The following DCHS2 variants were observed in gnomAD, a reference collection of about 807,000 sequenced individuals.
The protein encoded by DCHS2 is dachsous cadherin-related 2.
A neutral mutation model predicts 182.4 loss-of-function variants in DCHS2; 142 were observed. The observed-to-expected ratio is 0.78, with a 90% CI of 0.68 to 0.89. DCHS2 has a LOEUF of 0.89. DCHS2 is among the 40% of genes least tolerant of loss of function. The probability of loss-of-function intolerance (pLI) is 0.00; values close to 1 mark genes in which losing one functional copy is unlikely to be tolerated. For synonymous variants in DCHS2, 1,740 were observed against 1,663.3 expected (o/e 1.05, Z -1.12); for missense variants, 4,319 against 4,198.6 (o/e 1.03, Z -0.79).
intron 3 of DCHS2, among the ~76,000 whole-genome samples, chr4:154,359,130 C>T (rs942341642): frequency 2.6e-5 from 4 of 151,896 alleles, no homozygotes; most frequent in Non-Finnish European, 5.9e-5. Context: ...CAAACATTAA[C>T]TTTAAAAAAC....
intron 16 of DCHS2, 81 bp downstream of exon 16, chr4:154,255,438 A>G: frequency 1.3e-6 from 2 of 1,493,538 alleles, no homozygotes; most frequent in Non-Finnish European, 1.8e-6. Context: ...CTTACGTAAC[A>G]GGAAGTTATG....
At chr4:154,263,033 A>C (rs2111181397) in intron 14 of DCHS2, among the ~76,000 whole-genome samples, 1 of 152,328 alleles carries the variant, frequency 6.6e-6, no homozygotes. Context: ...AGTTCTCATC[A>C]GAGATCTGTC....
chr4:154,407,050 G>A (rs1732429040), intron 1 of DCHS2, among the ~76,000 whole-genome samples: 1 of 152,218 alleles, frequency 6.6e-6, no homozygotes, highest in Non-Finnish European at 1.5e-5. Context: ...TCCTGAGACT[G>A]TCCCACACAT....
chr4:154,398,643 T>C (rs180752228), intron 1 of DCHS2, among the ~76,000 whole-genome samples: 1 of 152,294 alleles, frequency 6.6e-6, no homozygotes, highest in Non-Finnish European at 1.5e-5. Flanking sequence ...TGAATTCCTA[T>C]CCCTATAAAG....
At chr4:154,473,111 G>A (rs762865864) in intron 1 of DCHS2, among the ~76,000 whole-genome samples, 1 of 152,140 alleles carries the variant, frequency 6.6e-6, no homozygotes, top group Non-Finnish European at 1.5e-5. Context: ...AAAGCCAATC[G>A]GGTGGGCTCT....
chr4:154,258,741 T>C (rs1474447710), intron 15 of DCHS2, among the ~76,000 whole-genome samples: 1 of 152,090 alleles, frequency 6.6e-6, no homozygotes, highest in Non-Finnish European at 1.5e-5. Flanking sequence ...CCAGAAAATA[T>C]GCTAGCATGC....
intron 16 of DCHS2, among the ~76,000 whole-genome samples, chr4:154,251,134 A>G (rs80152036): frequency 0.053 from 8,017 of 152,238 alleles, 493 homozygotes; most frequent in East Asian, 0.15. Flanking sequence ...TCCATTTCCT[A>G]CGTTGCCTGT....
intron 1 of DCHS2, among the ~76,000 whole-genome samples, chr4:154,392,831 A>G (rs1395244797): frequency 6.6e-6 from 1 of 152,194 alleles, no homozygotes; most frequent in Non-Finnish European, 1.5e-5. Flanking sequence ...CTCAGGGCTT[A>G]GTGTCAGGGA....
intron 1 of DCHS2, among the ~76,000 whole-genome samples, chr4:154,472,599 A>G (rs1244713844): frequency 6.6e-6 from 1 of 152,236 alleles, no homozygotes; most frequent in Non-Finnish European, 1.5e-5. Flanking sequence ...AGAAAGACTC[A>G]TTCTCTCACC....
At position 154,235,129 on chromosome 4, in the gene DCHS2, T is replaced by C. The variant is rs1282558863; in HGVS notation, c.9523A>G (p.Thr3175Ala). 1.2e-6 allele frequency: 2 copies of C among 1,613,888 alleles called. No individual in the cohort carries two copies. Among genetic ancestry groups the C allele is most frequent in the African/African-American group, 2.7e-5 (2 of 74,918 alleles). The stretch of plus-strand genomic sequence containing the variant: ...AACACATTATTTTGAGCACAGGTGG[T>C]GCTGCAGCCTTCCCCTTGATCTCCT... Reference protein sequence around the residue: ...GEGDQGEGCSTTCAQNNVLPQ... With the variant: ...GEGDQGEGCSATCAQNNVLPQ... The change falls in exon 20 of 20, where the codon ACC becomes GCC. Residue 3175 changes from threonine (T) to alanine (A), a missense_variant. By Grantham distance (58) the Thr-to-Ala change is moderately conservative. Coordinates refer to ENST00000357232, the MANE Select transcript of DCHS2 (RefSeq NM_001358235.2).
chr4:154,270,193 A>T (rs1228099381), intron 13 of DCHS2, among the ~76,000 whole-genome samples, 180 bp from the exon 14 acceptor site: 1 of 152,204 alleles, frequency 6.6e-6, no homozygotes, highest in African/African-American at 2.4e-5. Flanking sequence ...TATACTAGCA[A>T]ACAAGATAGA....
At position 154,458,260 on chromosome 4, in the gene DCHS2, A is replaced by G. The variant is rs149481020; in HGVS notation, c.2052+31044T>C. Among the ~76,000 whole-genome samples, 610 of 152,074 alleles carry G rather than the reference A, an allele frequency of 4.0e-3. 4 individuals carry two copies. Among genetic ancestry groups the G allele is most frequent in the Non-Finnish European group, 6.7e-3 (452 of 67,896 alleles). ...TTGCTAAAATTCTAAATAAAATTCT[A>G]TAACTGTATTAATAGAAAATCAGAC... On this transcript the variant is annotated intron_variant, in intron 1 of 19. Coordinates refer to ENST00000357232, the MANE Select transcript of DCHS2 (RefSeq NM_001358235.2).
intron 3 of DCHS2, among the ~76,000 whole-genome samples, chr4:154,335,566 C>T (rs1728760272): frequency 6.6e-6 from 1 of 152,142 alleles, no homozygotes; most frequent in African/African-American, 2.4e-5. Context: ...AGCAACACTG[C>T]CAGCTCTCCT....
At chr4:154,441,814 T>C (rs1029420212) in intron 1 of DCHS2, among the ~76,000 whole-genome samples, 5 of 152,086 alleles carry the variant, frequency 3.3e-5, no homozygotes, top group African/African-American at 1.2e-4. Flanking sequence ...TAAACATAAA[T>C]GTACACATAT....
At chr4:154,323,776 G>A (rs1391663553) in intron 7 of DCHS2, among the ~76,000 whole-genome samples, 1 of 151,862 alleles carries the variant, frequency 6.6e-6, no homozygotes, top group Non-Finnish European at 1.5e-5. Flanking sequence ...GCATATAGAT[G>A]TATATAAAAA....
At chr4:154,367,165 G>C (rs1730420757) in intron 2 of DCHS2, among the ~76,000 whole-genome samples, 1 of 152,196 alleles carries the variant, frequency 6.6e-6, no homozygotes, top group Non-Finnish European at 1.5e-5. Context: ...TGAGTCCTAG[G>C]GACCTCTGCA....
At chr4:154,467,618 T>C (rs921265920) in intron 1 of DCHS2, among the ~76,000 whole-genome samples, 3 of 152,166 alleles carry the variant, frequency 2.0e-5, no homozygotes, top group Non-Finnish European at 4.4e-5. Flanking sequence ...AGGTATATTA[T>C]GTCCAAGTAT....
chr4:154,440,230 C>T (rs2058341950), intron 1 of DCHS2, among the ~76,000 whole-genome samples: 2 of 152,146 alleles, frequency 1.3e-5, no homozygotes, highest in African/African-American at 2.4e-5. Flanking sequence ...GCCTTAGAAC[C>T]CTGGCATACA....
chr4:154,465,635 C>T (rs562408042), intron 1 of DCHS2, among the ~76,000 whole-genome samples: 2 of 151,796 alleles, frequency 1.3e-5, no homozygotes, highest in Non-Finnish European at 2.9e-5. Flanking sequence ...CGCCACTACA[C>T]TCCAGCCTGG....
Sources: allele counts gnomAD v4.1 joint callset (sites outside exome capture counted in the v4.1 genomes callset), GRCh38; gene constraint gnomAD v4.1.1; transcripts MANE v1.5; gene names NCBI Gene and HGNC (gene_info 2026-07-23, HGNC 2026-07-21).